CPSF4L: variants seen among roughly 807,000 people sequenced by gnomAD.
CPSF4L encodes the protein cleavage and polyadenylation specific factor 4 like, also known as putative cleavage and polyadenylation specificity factor subunit 4-like protein.
Under a neutral mutation model 24.0 loss-of-function variants are expected in CPSF4L, and 18 were observed. The ratio of observed to expected loss-of-function variants is 0.75; its 90% confidence interval spans 0.52 to 1.11. CPSF4L has a LOEUF of 1.11. CPSF4L is among the 50% of genes least tolerant of loss of function. CPSF4L has a pLI of 0.00. For synonymous variants in CPSF4L, 72 were observed against 77.2 expected, an observed-to-expected ratio of 0.93 and a Z score of 0.35; for missense variants, 211 against 221.8, an observed-to-expected ratio of 0.95 and a Z score of 0.31.
downstream of CPSF4L, chr17:73,245,842 T>G: frequency 8.6e-6 from 4 of 466,926 alleles, no homozygotes; most frequent in Non-Finnish European, 8.4e-6. Flanking sequence ...AATGAACCGG[T>G]GGCTAATGTA....
intron 3 of CPSF4L, among the ~76,000 whole-genome samples, chr17:73,256,073 T>G (rs969031253): frequency 6.6e-5 from 10 of 152,214 alleles, no homozygotes; most frequent in African/African-American, 2.2e-4. Flanking sequence ...CTTGTAATCA[T>G]GGGCTTACAA....
downstream of CPSF4L, chr17:73,248,399 T>G (rs2145268038): frequency 8.9e-7 from 1 of 1,123,678 alleles, no homozygotes; most frequent in East Asian, 2.6e-5. Context: ...CTTATAAGTT[T>G]TGTCTCTTAA....
chr17:73,258,535 C>A (rs1479728259), intron 2 of CPSF4L, among the ~76,000 whole-genome samples: 1 of 152,090 alleles, frequency 6.6e-6, no homozygotes, highest in Non-Finnish European at 1.5e-5. Flanking sequence ...CTCCTGATCT[C>A]AGGTGATCCA....
In CPSF4L at chr17:73,257,738, ACTTGCAGTGATCACCCTT is replaced by A. The variant is rs1402488089; in HGVS notation, c.232_249del (p.Lys78_Lys83del). 6.4e-7 allele frequency: 1 copy of A among 1,551,524 alleles called. No homozygotes were observed. The highest frequency in any genetic ancestry group is 1.4e-5 in the African/African-American group (1 of 72,994). On this transcript the variant is annotated inframe_deletion, in exon 3 of 6. Transcript: ENST00000344935. The stretch of plus-strand genomic sequence containing the variant: ...CTGGTGAGGTCATACTGGTGCAGGA[ACTTGCAGTGATCACCCTT>A]CTTGCAGAGCCCCCGGAGCCAGTGC...
At chr17:73,245,349 A>T, downstream of CPSF4L, 1 of 1,377,566 alleles carries the variant, frequency 7.3e-7, no homozygotes, top group Non-Finnish European at 9.5e-7. Flanking sequence ...TAAAATAATG[A>T]TACAGGAAGT....
At chr17:73,254,846 G>C (rs948966456) in intron 3 of CPSF4L, among the ~76,000 whole-genome samples, 3 of 152,134 alleles carry the variant, frequency 2.0e-5, no homozygotes, top group Admixed American at 2.0e-4. Context: ...GTTTCACCAT[G>C]TTGGCCAGGC....
At chr17:73,247,949 A>C (rs951578135), downstream of CPSF4L, 3 of 154,308 alleles carry the variant, frequency 1.9e-5, no homozygotes, top group Non-Finnish European at 2.9e-5. Flanking sequence ...TTGGGAAAAT[A>C]ATTGAAGATG....
intron 3 of CPSF4L, among the ~76,000 whole-genome samples, chr17:73,257,270 G>C (rs1157583882): frequency 6.6e-6 from 1 of 152,184 alleles, no homozygotes; most frequent in Admixed American, 6.6e-5. Context: ...AGAGCAGACA[G>C]TGGTGCTGGG....
chr17:73,243,093 T>TTTTGTTTTTTTTTTTTG, the CPSF4L span: 17 of 991,310 alleles, frequency 1.7e-5, no homozygotes, highest in African/African-American at 2.7e-4. Context: ...TTTTTTTTTT[T>TTTTGTTTTTTTTTTTTG]TTTTTTTTAC....
intron 1 of CPSF4L, 36 bp downstream of exon 1, chr17:73,261,680 A>C (rs1215061593): frequency 1.5e-6 from 2 of 1,353,766 alleles, no homozygotes; most frequent in South Asian, 1.3e-5. Flanking sequence ...AAAACAGAGA[A>C]GGTAGGGGAG....
At chr17:73,245,681 A>G, downstream of CPSF4L, 1 of 985,454 alleles carries the variant, frequency 1.0e-6, no homozygotes, top group African/African-American at 1.7e-5. Context: ...AGATCTTGAT[A>G]AGGTGTGAGA....
rs1198266156 is a variant in CPSF4L at position 73,261,046 on chromosome 17, C to T, written c.104-63G>A. ...CAGAGGCTGCAGCTGTTCCGGAAGC[C>T]TCCACCTCCATCGGCATGTCCCACC... On this transcript the variant is annotated intron_variant, in intron 1 of 5. Transcript: ENST00000344935. The T allele has an allele frequency of 2.5e-5, 34 of 1,365,940 alleles. No homozygotes were observed. In the East Asian group the frequency reaches 8.6e-4, roughly 34 times the overall value. The allele number at this position is 1,365,940 out of a possible 1,614,324, so 84.6% of individuals were successfully genotyped here. A position where few individuals can be genotyped will look rare whatever the true frequency, so the allele number is the denominator to read the frequency against.
intron 2 of CPSF4L, among the ~76,000 whole-genome samples, chr17:73,259,324 G>A (rs1413256646): frequency 6.7e-6 from 1 of 150,198 alleles, no homozygotes; most frequent in Non-Finnish European, 1.5e-5. Context: ...TTGGGGGCTA[G>A]GGGAGGTGTT....
chr17:73,261,383 T>C lies in CPSF4L; in HGVS notation c.103+333A>G, dbSNP rs564000052. The stretch of plus-strand genomic sequence containing the variant: ...GTAGAGAAGGAAGGGGGAGGGAGGC[T>C]GGGCGTGGTGGCTCATGCCTGTAAT... On this transcript the variant is annotated intron_variant, in intron 1 of 5. Coordinates refer to ENST00000344935, the MANE Select transcript of CPSF4L (RefSeq NM_001129885.1). Among the ~76,000 whole-genome samples, 93 of 152,234 alleles carry C rather than the reference T, an allele frequency of 6.1e-4. 1 individual carries two copies. Among genetic ancestry groups the C allele is most frequent in the Middle Eastern group, 3.4e-3 (1 of 294 alleles).
chr17:73,256,685 TAAGC>T (rs1234592654), intron 3 of CPSF4L, among the ~76,000 whole-genome samples: 2 of 152,154 alleles, frequency 1.3e-5, no homozygotes, highest in Non-Finnish European at 1.5e-5. Context: ...CTTTCTTAAG[TAAGC>T]GGGAAAGTGG....
At chr17:73,254,214 C>A in intron 3 of CPSF4L, among the ~76,000 whole-genome samples, 188 bp from the exon 4 acceptor site, 1 of 152,170 alleles carries the variant, frequency 6.6e-6, no homozygotes, top group East Asian at 1.9e-4. Flanking sequence ...GATCCCAGTC[C>A]TATTTGCTAA....
chr17:73,258,644 C>G (rs536779350), intron 2 of CPSF4L, among the ~76,000 whole-genome samples: 11 of 152,250 alleles, frequency 7.2e-5, no homozygotes, highest in Admixed American at 6.5e-4. Context: ...CACTACCACA[C>G]CTTTGCCCAT....
chr17:73,260,757 A>T (rs764951461), intron 2 of CPSF4L, among the ~76,000 whole-genome samples, 176 bp downstream of exon 2: 34 of 152,184 alleles, frequency 2.2e-4, no homozygotes, highest in Non-Finnish European at 3.5e-4. Context: ...ACAGAGCGAG[A>T]TTCCATCTAA....
intron 3 of CPSF4L, among the ~76,000 whole-genome samples, chr17:73,255,569 C>G (rs1328647714): frequency 6.6e-6 from 1 of 151,318 alleles, no homozygotes; most frequent in Non-Finnish European, 1.5e-5. Context: ...TTTAAAACCA[C>G]CATTCTTTCC....
Sources: gnomAD v4.1 joint callset for allele counts (sites outside exome capture counted in the v4.1 genomes callset) on GRCh38, gnomAD v4.1.1 for gene constraint, MANE v1.5 for transcripts, NCBI Gene and HGNC (gene_info 2026-07-23, HGNC 2026-07-21) for gene names.